Variants in IGSF3 observed in about 807,000 individuals in gnomAD.
The protein encoded by IGSF3 is immunoglobulin superfamily member 3, also known as glu-Trp-Ile EWI motif-containing protein 3.
In IGSF3, 23 loss-of-function variants were observed where a neutral mutation model predicts 114.4. The observed-to-expected ratio is 0.20, with a 90% CI of 0.14 to 0.28. The LOEUF (loss-of-function observed/expected upper bound fraction) is 0.28, where lower values mean the gene tolerates loss of function less well. Among genes scored for constraint, IGSF3 ranks in the 10% least tolerant of loss-of-function variants. IGSF3 has a pLI of 1.00. For missense variants in IGSF3, 1,172 were observed against 1,591.5 expected (o/e 0.74, Z 4.48); for synonymous variants, 571 against 645.2 (o/e 0.88, Z 1.74).
At chr1:116,581,732 G>A (rs545371910) in intron 9 of IGSF3, among the ~76,000 whole-genome samples, 22 of 152,196 alleles carry the variant, frequency 1.4e-4, no homozygotes, top group African/African-American at 5.3e-4. Flanking sequence ...GCTCTCTCAG[G>A]GACAAGAACA....
At chr1:116,601,177 G>A (rs986518883) in intron 6 of IGSF3, among the ~76,000 whole-genome samples, 20 of 152,194 alleles carry the variant, frequency 1.3e-4, no homozygotes, top group Non-Finnish European at 2.4e-4. Flanking sequence ...CAACCTTGTA[G>A]AACAGGCAGG....
At chr1:116,623,652 G>T (rs1661487304) in intron 2 of IGSF3, among the ~76,000 whole-genome samples, 1 of 151,622 alleles carries the variant, frequency 6.6e-6, no homozygotes, top group Non-Finnish European at 1.5e-5. Flanking sequence ...AGCCCATTCG[G>T]TCAATGTCAC....
rs532711757 is a variant in IGSF3 at position 116,666,649 on chromosome 1, C to T, written c.-323G>A. ...GTAGTGGATTAATCCTCCAGAAGCA[C>T]GGAAAAAAGGGTCTGAGAAAATCCT... On this transcript the variant is annotated 5_prime_UTR_variant, in exon 2 of 11. The change creates a new upstream start codon in the 5' untranslated region. Coordinates refer to ENST00000369486, the MANE Select transcript of IGSF3 (RefSeq NM_001007237.3). 2.5e-5 allele frequency: 14 copies of T among 555,564 alleles called. No individual in the cohort carries two copies. The East Asian group carries it at 3.2e-4, about 13-fold the overall frequency. The allele number at this position is 555,564 out of a possible 1,614,324, so 34.4% of individuals were successfully genotyped here. A position where few individuals can be genotyped will look rare whatever the true frequency, so the allele number is the denominator to read the frequency against.
In IGSF3 at chr1:116,584,470, C is replaced by A; in HGVS notation, c.2848+175G>T. The A allele has an allele frequency of 1.6e-6, 1 of 635,518 alleles. No individual in the cohort carries two copies. Among genetic ancestry groups the A allele is most frequent in the Non-Finnish European group, 2.7e-6 (1 of 372,050 alleles). The allele number at this position is 635,518 out of a possible 1,614,324, so 39.4% of individuals were successfully genotyped here. A position where few individuals can be genotyped will look rare whatever the true frequency, so the allele number is the denominator to read the frequency against. ...GGCCAAAGCCAGACGTGCAATTTTCCATTCACAAGAAAAAAAATTCAGGCA... is the reference window on the plus strand; with the variant it reads ...GGCCAAAGCCAGACGTGCAATTTTCAATTCACAAGAAAAAAAATTCAGGCA... On this transcript the variant is annotated intron_variant, in intron 9 of 10. Transcript: ENST00000369486. This position sits in a 1 kb window ranked among gnomAD's most constrained non-coding sequence, Gnocchi z 5.8.
rs1279231689 is a variant in IGSF3, at chr1:116,621,605, CT to C, written c.44-5149del. ...GTTCCTTTAAGCCTTAAGTTTGGGG[CT>C]TTTTTTTTTACATCAATATATAACT... On this transcript the variant is annotated intron_variant, in intron 2 of 10. Coordinates refer to ENST00000369486, the MANE Select transcript of IGSF3 (RefSeq NM_001007237.3). 1.6e-3 allele frequency among the ~76,000 whole-genome samples: 234 copies of C among 148,508 alleles called. 1 individual carries two copies. The highest frequency in any genetic ancestry group is 5.2e-3 in the African/African-American group (211 of 40,572).
At chr1:116,604,790 A>G (rs1433347652) in intron 5 of IGSF3, among the ~76,000 whole-genome samples, 1 of 152,220 alleles carries the variant, frequency 6.6e-6, no homozygotes, top group Non-Finnish European at 1.5e-5. Flanking sequence ...TCCCTGTCTC[A>G]TCTAGCCTCT....
rs1661043190 is a variant in IGSF3, at chr1:116,612,034, A to G, written c.832+1731T>C. Among the ~76,000 whole-genome samples the G allele has an allele frequency of 6.6e-6, 1 of 152,120 alleles. No homozygotes were observed. Among genetic ancestry groups the G allele is most frequent in the Admixed American group, 6.5e-5 (1 of 15,280 alleles). On this transcript the variant is annotated intron_variant, in intron 4 of 10. Transcript: ENST00000369486. The surrounding 1 kb of genome is among the most constrained non-coding windows in gnomAD (Gnocchi z 4.1). Reference sequence around the variant, plus strand: ...GGGTGAAGTCATCAACTTTTTTTTCACTTAGTTTTCCTTTTGCTGGCTTAG... The same window carrying G: ...GGGTGAAGTCATCAACTTTTTTTTCGCTTAGTTTTCCTTTTGCTGGCTTAG...
Position 116,629,977 on chromosome 1 carries a change from T to C in IGSF3, c.44-13520A>G, listed in dbSNP as rs1227305876. Among the ~76,000 whole-genome samples the C allele has an allele frequency of 6.6e-6, 1 of 152,142 alleles. No individual in the cohort carries two copies. Among genetic ancestry groups the C allele is most frequent in the African/African-American group, 2.4e-5 (1 of 41,424 alleles). The stretch of plus-strand genomic sequence containing the variant: ...ACAAGGAAGGCACCTGAATGACAGA[T>C]GGTTTGAGGAATCTTGAGAAAGCAG... On this transcript the variant is annotated intron_variant, in intron 2 of 10. Coordinates refer to ENST00000369486, the MANE Select transcript of IGSF3 (RefSeq NM_001007237.3). This position sits in a 1 kb window ranked among gnomAD's most constrained non-coding sequence, Gnocchi z 4.3.
rs1649332757 is a variant in IGSF3, at chr1:116,666,348, C to T, written c.-22G>A. ...TCATGTCGGCAGCCTCCAGGAGACACAACACAAGGCGCTTCCTCTTCTCCC... is the reference window on the plus strand; with the variant it reads ...TCATGTCGGCAGCCTCCAGGAGACATAACACAAGGCGCTTCCTCTTCTCCC... On this transcript the variant is annotated 5_prime_UTR_variant, in exon 2 of 11. The change creates a new upstream start codon in the 5' untranslated region. Coordinates refer to ENST00000369486, the MANE Select transcript of IGSF3 (RefSeq NM_001007237.3). 1 of 1,613,070 alleles carries T rather than the reference C, an allele frequency of 6.2e-7. No individual in the cohort carries two copies. The highest frequency in any genetic ancestry group is 1.3e-5 in the African/African-American group (1 of 74,890).
chr1:116,599,792 T>A, intron 7 of IGSF3, 149 bp downstream of exon 7: 1 of 683,662 alleles, frequency 1.5e-6, no homozygotes, highest in Non-Finnish European at 2.4e-6. Flanking sequence ...ACTGCACGAT[T>A]CTTAAAACTT....
rs1661314975 is a variant in IGSF3, at chr1:116,618,851, C to G, written c.44-2394G>C. Among the ~76,000 whole-genome samples, 1 of 152,222 alleles carries G rather than the reference C, an allele frequency of 6.6e-6. No homozygotes were observed. The highest frequency in any genetic ancestry group is 1.9e-4 in the East Asian group (1 of 5,186). ...CTATGACAGCGCAACTACAACCAAC[C>G]CCCATACATCTCCTGCAAAGAAGGC... On this transcript the variant is annotated intron_variant, in intron 2 of 10. Coordinates refer to ENST00000369486, the MANE Select transcript of IGSF3 (RefSeq NM_001007237.3). This position sits in a 1 kb window ranked among gnomAD's most constrained non-coding sequence, Gnocchi z 4.7.
chr1:116,623,062 C>T (rs925827236), intron 2 of IGSF3, among the ~76,000 whole-genome samples: 7 of 152,262 alleles, frequency 4.6e-5, no homozygotes, highest in Non-Finnish European at 8.8e-5. Flanking sequence ...GGGAAGGCCA[C>T]TTCCACAGGC....
Position 116,614,967 on chromosome 1 carries a change from G to A in IGSF3, c.422-792C>T, listed in dbSNP as rs2101497927. On this transcript the variant is annotated intron_variant, in intron 3 of 10. Transcript: ENST00000369486. This position sits in a 1 kb window ranked among gnomAD's most constrained non-coding sequence, Gnocchi z 4.5. ...TCTCCCTGTTCTCACCCAAGGCTTG[G>A]GTCTTACGGGTCTCCTGCTGGGAAC... Among the ~76,000 whole-genome samples the A allele has an allele frequency of 6.6e-6, 1 of 152,116 alleles. No homozygotes were observed. Among genetic ancestry groups the A allele is most frequent in the Non-Finnish European group, 1.5e-5 (1 of 67,990 alleles).
chr1:116,588,852 G>A lies in IGSF3; in HGVS notation c.2282C>T (p.Ser761Leu), dbSNP rs781419091. 1.4e-5 allele frequency: 23 copies of A among 1,614,078 alleles called. No homozygotes were observed. Among genetic ancestry groups the A allele is most frequent in the Admixed American group, 1.0e-4 (6 of 60,008 alleles). ...RARLQFERHV[S>L]GGLFSLTVQR... Reference sequence around the variant, plus strand: ...GACGGTGAGGCTGAACAGGCCCCCCGACACATGCCTCTCAAACTGGAGCCT... The same window carrying A: ...GACGGTGAGGCTGAACAGGCCCCCCAACACATGCCTCTCAAACTGGAGCCT... Residue 761 changes from serine to leucine, a missense_variant, in exon 8 of 11, where the codon TCG (serine) becomes TTG (leucine). Ser to Leu is a moderately radical substitution (Grantham distance 145, BLOSUM62 -2). Around this residue, in one of 3 missense-constraint regions of IGSF3, gnomAD observed 736 missense variants for 1,042.0 expected, o/e 0.71. Transcript: ENST00000369486. This position sits in a 1 kb window ranked among gnomAD's most constrained non-coding sequence, Gnocchi z 4.9.
rs1571181148 is a variant in IGSF3, at chr1:116,638,770, G to T, written c.44-22313C>A. Among the ~76,000 whole-genome samples, 1 of 152,194 alleles carries T rather than the reference G, an allele frequency of 6.6e-6. No individual in the cohort carries two copies. Among genetic ancestry groups the T allele is most frequent in the African/African-American group, 2.4e-5 (1 of 41,444 alleles). On this transcript the variant is annotated intron_variant, in intron 2 of 10. Transcript: ENST00000369486. This position sits in a 1 kb window ranked among gnomAD's most constrained non-coding sequence, Gnocchi z 4.1. ...CAGCTAACTCCTACAGCAGAGTCTTGCCAGGCCCTCCCCTAATTGCTCTAT... is the reference window on the plus strand; with the variant it reads ...CAGCTAACTCCTACAGCAGAGTCTTTCCAGGCCCTCCCCTAATTGCTCTAT...
chr1:116,632,197 G>T lies in IGSF3; in HGVS notation c.44-15740C>A, dbSNP rs1647621542. Among the ~76,000 whole-genome samples, 1 of 152,184 alleles carries T rather than the reference G, an allele frequency of 6.6e-6. No homozygotes were observed. The highest frequency in any genetic ancestry group is 2.4e-5 in the African/African-American group (1 of 41,426). ...GGGCTCTGATGATATAGTTGTGGAGGTTATCAGTTTGCCAGAGCTGCAGAT... is the reference window on the plus strand; with the variant it reads ...GGGCTCTGATGATATAGTTGTGGAGTTTATCAGTTTGCCAGAGCTGCAGAT... On this transcript the variant is annotated intron_variant, in intron 2 of 10. Transcript: ENST00000369486. The surrounding 1 kb of genome is among the most constrained non-coding windows in gnomAD (Gnocchi z 5.1).
At position 116,636,554 on chromosome 1, in the gene IGSF3, T is replaced by TGAGTG. The variant is rs1161706095; in HGVS notation, c.44-20102_44-20098dup. Among the ~76,000 whole-genome samples the TGAGTG allele has an allele frequency of 5.3e-5, 8 of 152,064 alleles. No individual in the cohort carries two copies. The highest frequency in any genetic ancestry group is 2.9e-5 in the Non-Finnish European group (2 of 67,994). On this transcript the variant is annotated intron_variant, in intron 2 of 10. Transcript: ENST00000369486. This position sits in a 1 kb window ranked among gnomAD's most constrained non-coding sequence, Gnocchi z 4.5. ...CTGAACAGACCTCAAAAATATTAGTTGAGTGGAGGAAAGAATGAACAGTCA... is the reference window on the plus strand; with the variant it reads ...CTGAACAGACCTCAAAAATATTAGTTGAGTGGAGTGGAGGAAAGAATGAACAGTCA...
chr1:116,585,389 C>A lies in IGSF3; in HGVS notation c.2441-337G>T, dbSNP rs148849243. Among the ~76,000 whole-genome samples the A allele has an allele frequency of 6.6e-6, 1 of 152,170 alleles. No homozygotes were observed. Among genetic ancestry groups the A allele is most frequent in the East Asian group, 1.9e-4 (1 of 5,160 alleles). ...CCACAAAACATGTCGCTGGCCGGGGCAGGTGGCTGGGAAGGGCGGGGGAAG... is the reference window on the plus strand; with the variant it reads ...CCACAAAACATGTCGCTGGCCGGGGAAGGTGGCTGGGAAGGGCGGGGGAAG... On this transcript the variant is annotated intron_variant, in intron 8 of 10. Transcript: ENST00000369486. This position sits in a 1 kb window ranked among gnomAD's most constrained non-coding sequence, Gnocchi z 4.9.
rs1410807666 is a variant in IGSF3, at chr1:116,657,604, G to T, written c.43+8680C>A. 6.6e-6 allele frequency among the ~76,000 whole-genome samples: 1 copy of T among 152,150 alleles called. No individual in the cohort carries two copies. Among genetic ancestry groups the T allele is most frequent in the African/African-American group, 2.4e-5 (1 of 41,424 alleles). ...CTCCCTAATGGTCTGGGAAACCAAAGATTTCAAAATACGGAGCTCCTGGGG... is the reference window on the plus strand; with the variant it reads ...CTCCCTAATGGTCTGGGAAACCAAATATTTCAAAATACGGAGCTCCTGGGG... On this transcript the variant is annotated intron_variant, in intron 2 of 10. Transcript: ENST00000369486. The surrounding 1 kb of genome is among the most constrained non-coding windows in gnomAD (Gnocchi z 4.2).
Sources: allele counts gnomAD v4.1 joint callset (sites outside exome capture counted in the v4.1 genomes callset), GRCh38; gene constraint gnomAD v4.1.1; regional missense constraint gnomAD v4.1.1; non-coding constraint Gnocchi (gnomAD v3.1); transcripts MANE v1.5; gene names NCBI Gene and HGNC (gene_info 2026-07-23, HGNC 2026-07-21).